The following POU3F3 variants were observed in gnomAD, a reference collection of about 807,000 sequenced individuals.
POU3F3 encodes POU domain, class 3, transcription factor 3.
Under a neutral mutation model 8.6 loss-of-function variants are expected in POU3F3, and 1 was observed. The observed-to-expected ratio is 0.12, with a 90% CI of 0.04 to 0.55. The LOEUF (loss-of-function observed/expected upper bound fraction) is 0.55. Ranked by LOEUF, POU3F3 falls within the 20% of genes least tolerant of loss-of-function variation. The pLI, the probability that POU3F3 is intolerant of heterozygous loss-of-function variation, is 0.91. For missense variants in POU3F3, 577 were observed against 690.7 expected (o/e 0.84, Z 1.84); for synonymous variants, 418 against 327.4 (o/e 1.28, Z -2.99).
downstream of POU3F3, among the ~76,000 whole-genome samples, chr2:104,859,999 C>T (rs114117811): frequency 5.4e-3 from 815 of 152,234 alleles, 12 homozygotes; most frequent in African/African-American, 0.019. Flanking sequence ...GTGGATACTA[C>T]TGGCACGTGA....
the POU3F3 span, among the ~76,000 whole-genome samples, chr2:104,873,519 C>T: frequency 9.2e-5 from 14 of 152,190 alleles, no homozygotes; most frequent in Non-Finnish European, 1.5e-4. Context: ...GTGGCCAGCC[C>T]CGCGCGCGCA....
the POU3F3 span, among the ~76,000 whole-genome samples, chr2:104,908,418 A>T: frequency 4.3e-4 from 66 of 152,374 alleles, no homozygotes; most frequent in Middle Eastern, 6.8e-3. Context: ...AGCTGTGGAT[A>T]AGAAGATGAG....
chr2:104,882,571 C>T, the POU3F3 span, among the ~76,000 whole-genome samples: 1 of 152,096 alleles, frequency 6.6e-6, no homozygotes, highest in Non-Finnish European at 1.5e-5. Flanking sequence ...CTGTGCTTTT[C>T]TTCCTTCAGC....
rs1676541026 is a variant in POU3F3, at chr2:104,855,611, G to A, written c.101G>A (p.Gly34Asp). 1 of 973,162 alleles carries A rather than the reference G, an allele frequency of 1.0e-6. No individual in the cohort carries two copies. Among genetic ancestry groups the A allele is most frequent in the Non-Finnish European group, 1.2e-6 (1 of 823,704 alleles). 60.3% of individuals were successfully genotyped at this position (973,162 alleles called of 1,614,324 possible). Residue 34 changes from glycine (G) to aspartate (D), a missense_variant, in exon 1 of 1, where the codon GGT (glycine) becomes GAT (aspartate). This residue lies in a region of POU3F3 where 484 missense variants were observed against 422.6 expected (regional missense o/e 1.15). Coordinates refer to ENST00000361360, the MANE Select transcript of POU3F3 (RefSeq NM_006236.3). ...SDAAGAGGGGGGGGGGGGGGA... is the reference protein window; with the variant it reads ...SDAAGAGGGGDGGGGGGGGGA... ...GCGGCAGGGGCTGGCGGCGGCGGGGGTGGCGGCGGCGGCGGCGGCGGGGGC... is the reference window on the plus strand; with the variant it reads ...GCGGCAGGGGCTGGCGGCGGCGGGGATGGCGGCGGCGGCGGCGGCGGGGGC...
upstream of POU3F3, among the ~76,000 whole-genome samples, chr2:104,854,019 C>T (rs1305803218): frequency 2.6e-5 from 4 of 152,330 alleles, no homozygotes; most frequent in African/African-American, 9.6e-5. This position sits in a 1 kb window ranked among gnomAD's most constrained non-coding sequence, Gnocchi z 4.5. Flanking sequence ...CTGCCAATCA[C>T]CCAGCGGGTA....
chr2:104,888,615 C>G, the POU3F3 span, among the ~76,000 whole-genome samples: 1 of 152,070 alleles, frequency 6.6e-6, no homozygotes, highest in African/African-American at 2.4e-5. Context: ...CCCACCCCCA[C>G]GAGAAGGAAG....
the POU3F3 span, among the ~76,000 whole-genome samples, chr2:104,890,574 C>A: frequency 6.6e-6 from 1 of 152,072 alleles, no homozygotes; most frequent in East Asian, 1.9e-4. Flanking sequence ...AAATGCCAAC[C>A]CCTGAATGTT....
At chr2:104,875,909 G>T in the POU3F3 span, among the ~76,000 whole-genome samples, 1 of 151,966 alleles carries the variant, frequency 6.6e-6, no homozygotes, top group Non-Finnish European at 1.5e-5. Context: ...GTAGAGACAG[G>T]GTTTCACCAT....
the POU3F3 span, among the ~76,000 whole-genome samples, chr2:104,878,941 G>A: frequency 6.6e-6 from 1 of 151,378 alleles, no homozygotes; most frequent in South Asian, 2.1e-4. Flanking sequence ...GCACACAAAT[G>A]CAACACACAA....
At chr2:104,916,631 A>T in the POU3F3 span, among the ~76,000 whole-genome samples, 95 of 152,276 alleles carry the variant, frequency 6.2e-4, no homozygotes, top group African/African-American at 2.2e-3. Flanking sequence ...TAGAAGCCAC[A>T]ACCTTTTCCT....
the POU3F3 span, among the ~76,000 whole-genome samples, chr2:104,914,303 A>T: frequency 6.6e-6 from 1 of 152,216 alleles, no homozygotes; most frequent in East Asian, 1.9e-4. Flanking sequence ...TTGTTGATGT[A>T]AAATCTTAGT....
At chr2:104,918,085 T>C in the POU3F3 span, among the ~76,000 whole-genome samples, 2 of 152,222 alleles carry the variant, frequency 1.3e-5, no homozygotes, top group African/African-American at 4.8e-5. Flanking sequence ...CTGCTATGGC[T>C]TGTTCCTTTG....
At chr2:104,879,082 T>C in the POU3F3 span, among the ~76,000 whole-genome samples, 4 of 151,312 alleles carry the variant, frequency 2.6e-5, 1 homozygote, top group African/African-American at 9.7e-5. Flanking sequence ...GCACACACTA[T>C]ACACACACAC....
chr2:104,872,325 A>G, the POU3F3 span: 3 of 456,632 alleles, frequency 6.6e-6, no homozygotes, highest in South Asian at 3.1e-5. The surrounding 1 kb of genome is among the most constrained non-coding windows in gnomAD (Gnocchi z 4.6). Context: ...TTTTATCAAC[A>G]TCATCAAAGA....
chr2:104,868,894 G>C, the POU3F3 span, among the ~76,000 whole-genome samples: 1 of 152,236 alleles, frequency 6.6e-6, no homozygotes, highest in African/African-American at 2.4e-5. Flanking sequence ...TTTTCTATGT[G>C]TGTGTGGTTT....
the POU3F3 span, among the ~76,000 whole-genome samples, chr2:104,876,034 T>A: frequency 6.6e-6 from 1 of 152,182 alleles, no homozygotes; most frequent in Admixed American, 6.5e-5. Flanking sequence ...AACTTTTGAA[T>A]CTAGCTTTAG....
the POU3F3 span, among the ~76,000 whole-genome samples, chr2:104,881,118 C>CTTTCT: frequency 7.2e-6 from 1 of 139,018 alleles, no homozygotes; most frequent in Non-Finnish European, 1.5e-5. Flanking sequence ...TTCTTTATTT[C>CTTTCT]TTACTTTCTT....
chr2:104,893,274 T>G, the POU3F3 span, among the ~76,000 whole-genome samples: 23 of 152,276 alleles, frequency 1.5e-4, no homozygotes, highest in South Asian at 2.3e-3. Flanking sequence ...GTCCCCAGTG[T>G]GATGGATCCC....
chr2:104,892,574 T>A, the POU3F3 span, among the ~76,000 whole-genome samples: 1 of 151,856 alleles, frequency 6.6e-6, no homozygotes, highest in East Asian at 1.9e-4. Context: ...CAAGCAATCC[T>A]CCTGCCTCAG....
Sources: gnomAD v4.1 joint callset for allele counts (sites outside exome capture counted in the v4.1 genomes callset) on GRCh38, gnomAD v4.1.1 for gene constraint, gnomAD v4.1.1 regional missense constraint, Gnocchi (gnomAD v3.1) non-coding constraint, MANE v1.5 for transcripts, NCBI Gene and HGNC (gene_info 2026-07-23, HGNC 2026-07-21) for gene names.